Variants in RBFOX1 observed in about 807,000 individuals in gnomAD.
RBFOX1 encodes the protein RNA binding protein fox-1 homolog 1.
A neutral mutation model predicts 57.7 loss-of-function variants in RBFOX1; 8 were observed. The ratio of observed to expected loss-of-function variants is 0.14; its 90% CI spans 0.08 to 0.25. The LOEUF (loss-of-function observed/expected upper bound fraction) is 0.25. Among genes scored for constraint, RBFOX1 ranks in the 10% least tolerant of loss-of-function variants. The probability of loss-of-function intolerance (pLI) is 1.00; values close to 1 mark genes in which losing one functional copy is unlikely to be tolerated. For synonymous variants in RBFOX1, 326 were observed against 222.4 expected, an observed-to-expected ratio of 1.47 and a Z score of -4.15; for missense variants, 611 against 548.5, an observed-to-expected ratio of 1.11 and a Z score of -1.14.
intron 2 of RBFOX1, among the ~76,000 whole-genome samples, chr16:6,366,401 A>G (rs1421992821): frequency 6.6e-6 from 1 of 152,190 alleles, no homozygotes; most frequent in Non-Finnish European, 1.5e-5. Context: ...CATTTCTCAC[A>G]TACTACAGAC....
At chr16:7,174,965 A>G (rs1332792299) in intron 4 of RBFOX1, among the ~76,000 whole-genome samples, 3 of 152,176 alleles carry the variant, frequency 2.0e-5, no homozygotes, top group African/African-American at 7.2e-5. Flanking sequence ...ATATCTCATC[A>G]TCATGGCTTT....
chr16:7,026,489 G>C (rs1385786203), intron 3 of RBFOX1, among the ~76,000 whole-genome samples: 1 of 151,702 alleles, frequency 6.6e-6, no homozygotes, highest in East Asian at 1.9e-4. Flanking sequence ...CTTCCAATCT[G>C]CCTCTTTTCT....
intron 3 of RBFOX1, among the ~76,000 whole-genome samples, chr16:6,971,529 C>T (rs931359526): frequency 1.3e-4 from 18 of 143,754 alleles, no homozygotes; most frequent in Admixed American, 1.1e-3. Context: ...TGTGTGTGTA[C>T]CACTGGAGAA....
intron 3 of RBFOX1, among the ~76,000 whole-genome samples, chr16:5,736,400 G>C (rs1047501752): frequency 2.2e-4 from 34 of 152,028 alleles, no homozygotes; most frequent in Admixed American, 2.0e-4. Context: ...ACTGGGTGTG[G>C]GGTGATGGGA....
intron 1 of RBFOX1, among the ~76,000 whole-genome samples, chr16:5,378,896 TAGAG>T (rs1203842880): frequency 6.6e-6 from 1 of 151,536 alleles, no homozygotes; most frequent in Admixed American, 6.6e-5. Flanking sequence ...ACTGTATACA[TAGAG>T]AGATTTCAAG....
In RBFOX1 at chr16:6,844,816, G is replaced by A. The variant is rs370789521; in HGVS notation, c.-16+190166G>A. On this transcript the variant is annotated intron_variant, in intron 3 of 15. Coordinates refer to ENST00000550418, the MANE Select transcript of RBFOX1 (RefSeq NM_018723.4). ...ACACTGCCTCCAACAGTGTAAAAAT[G>A]TTGCTTTTTCTCCATAACCTTGCCA... Among the ~76,000 whole-genome samples, 5 of 152,250 alleles carry A rather than the reference G, an allele frequency of 3.3e-5. No individual in the cohort carries two copies. The South Asian group carries it at 8.3e-4, about 25-fold the overall frequency.
chr16:6,700,983 T>C (rs1238944713), intron 3 of RBFOX1, among the ~76,000 whole-genome samples: 1 of 151,980 alleles, frequency 6.6e-6, no homozygotes, highest in African/African-American at 2.4e-5. Flanking sequence ...ACCAGATGCT[T>C]ATGAGGGATC....
intron 1 of RBFOX1, among the ~76,000 whole-genome samples, chr16:6,255,059 G>T (rs1054934312): frequency 6.6e-6 from 1 of 151,918 alleles, no homozygotes; most frequent in African/African-American, 2.4e-5. Context: ...CATTCTTAAA[G>T]TTCAGCATCA....
At chr16:6,091,327 A>C (rs1379267866) in intron 1 of RBFOX1, among the ~76,000 whole-genome samples, 2 of 152,190 alleles carry the variant, frequency 1.3e-5, no homozygotes, top group East Asian at 3.9e-4. Flanking sequence ...TTTCGTCAGA[A>C]GAAGATTTGT....
At chr16:6,498,855 T>C (rs527627235) in intron 2 of RBFOX1, among the ~76,000 whole-genome samples, 2 of 152,314 alleles carry the variant, frequency 1.3e-5, no homozygotes, top group African/African-American at 4.8e-5. Context: ...GTAAAAGCCA[T>C]GGCACAGTTA....
At chr16:7,570,752 A>C (rs1223430755) in intron 5 of RBFOX1, among the ~76,000 whole-genome samples, 1 of 152,244 alleles carries the variant, frequency 6.6e-6, no homozygotes, top group Non-Finnish European at 1.5e-5. Flanking sequence ...TACCAAAGGA[A>C]TATAAATCAT....
At position 6,193,852 on chromosome 16, in the gene RBFOX1, C is replaced by G. The variant is rs933517261; in HGVS notation, c.-126-123143C>G. ...TCCTTCATTCTCCTGGTAAACTTGC[C>G]GAGTCTCTGCCTCATTGTTTTCTGG... On this transcript the variant is annotated intron_variant, in intron 1 of 15. Coordinates refer to ENST00000550418, the MANE Select transcript of RBFOX1 (RefSeq NM_018723.4). Among the ~76,000 whole-genome samples, 35 of 152,106 alleles carry G rather than the reference C, an allele frequency of 2.3e-4. 1 individual carries two copies. The highest frequency in any genetic ancestry group is 2.2e-3 in the Admixed American group (33 of 15,266).
At chr16:7,228,815 A>T (rs1351984405) in intron 4 of RBFOX1, among the ~76,000 whole-genome samples, 1 of 152,194 alleles carries the variant, frequency 6.6e-6, no homozygotes, top group Non-Finnish European at 1.5e-5. Flanking sequence ...TAAAAACATA[A>T]TCTCTCGGTT....
intron 4 of RBFOX1, among the ~76,000 whole-genome samples, chr16:5,917,681 C>T (rs947545094): frequency 2.0e-5 from 3 of 152,148 alleles, no homozygotes; most frequent in Non-Finnish European, 2.9e-5. Context: ...CAGTCCATGC[C>T]GCCATCCACC....
chr16:6,511,340 C>A (rs146474261), intron 2 of RBFOX1, among the ~76,000 whole-genome samples: 1 of 152,118 alleles, frequency 6.6e-6, no homozygotes, highest in African/African-American at 2.4e-5. Context: ...CTCTTCTATG[C>A]TTTTTCTTAG....
intron 4 of RBFOX1, among the ~76,000 whole-genome samples, chr16:7,107,056 C>T (rs772816606): frequency 2.0e-4 from 30 of 151,818 alleles, no homozygotes; most frequent in Non-Finnish European, 3.4e-4. Context: ...GCTATGATGT[C>T]AGGAAATACT....
Position 6,044,488 on chromosome 16 carries a change from T to TAAAAAA in RBFOX1, c.-127+24508_-127+24513dup, listed in dbSNP as rs35188189. ...TTGTCTTAGAAGACCTGTTTTAGGT[T>TAAAAAA]AAAAAAAAAAAAAAAAATTCAAACA... On this transcript the variant is annotated intron_variant, in intron 1 of 15. Transcript: ENST00000550418. Among the ~76,000 whole-genome samples the TAAAAAA allele has an allele frequency of 6.4e-4, 91 of 143,144 alleles. 1 individual carries two copies. The highest frequency in any genetic ancestry group is 2.2e-3 in the African/African-American group (85 of 38,766). The allele number at this position is 143,144 out of a possible 152,430, so 93.9% of individuals were successfully genotyped here.
At chr16:6,708,287 A>AACAC (rs138742593) in intron 3 of RBFOX1, among the ~76,000 whole-genome samples, 9,212 of 143,028 alleles carry the variant, frequency 0.064, 689 homozygotes, top group East Asian at 0.44. Flanking sequence ...AGCATTTTTG[A>AACAC]ACACACACAC....
intron 3 of RBFOX1, among the ~76,000 whole-genome samples, chr16:6,992,650 T>C (rs1223247499): frequency 6.6e-6 from 1 of 152,044 alleles, no homozygotes; most frequent in African/African-American, 2.4e-5. Context: ...GGATAAAAGT[T>C]ACACAACTTC....
Sources: allele counts gnomAD v4.1 joint callset (sites outside exome capture counted in the v4.1 genomes callset), GRCh38; gene constraint gnomAD v4.1.1; transcripts MANE v1.5; gene names NCBI Gene and HGNC (gene_info 2026-07-23, HGNC 2026-07-21).